The following CA13 variants were observed in gnomAD, a reference collection of about 807,000 sequenced individuals.
CA13 encodes carbonic anhydrase 13.
CA13 carries 21 observed loss-of-function variants against 31.5 expected under a neutral mutation model. The ratio of observed to expected loss-of-function variants is 0.67; its 90% CI spans 0.47 to 0.96. CA13 has a LOEUF of 0.96. Among genes scored for constraint, CA13 ranks in the 40% least tolerant of loss-of-function variants. CA13 has a pLI of 0.00. For missense variants in CA13, 315 were observed against 318.9 expected, an observed-to-expected ratio of 0.99 and a Z score of 0.09; for synonymous variants, 117 against 111.4, an observed-to-expected ratio of 1.05 and a Z score of -0.32.
chr8:85,254,218 CAGTGAGCCA>C (rs2129955888), intron 2 of CA13, among the ~76,000 whole-genome samples: 1 of 149,142 alleles, frequency 6.7e-6, no homozygotes, highest in Admixed American at 6.7e-5. Flanking sequence ...GCGCAGGTTG[CAGTGAGCCA>C]AGATCATGCC....
rs1327443326 is a variant in CA13 at position 85,251,041 on chromosome 8, C to T, written c.235+104C>T. On this transcript the variant is annotated intron_variant, in intron 2 of 6. Coordinates refer to ENST00000321764, the MANE Select transcript of CA13 (RefSeq NM_198584.3). ...TTTTTGAGACAGAGTCTCGCTCTGT[C>T]GCCAGGCTGAAGTGTAGTGGCGCGA... The T allele has an allele frequency of 2.8e-5, 28 of 1,001,808 alleles. No individual in the cohort carries two copies. In the East Asian group the frequency reaches 5.3e-4, roughly 19 times the overall value. The allele number at this position is 1,001,808 out of a possible 1,614,324, so 62.1% of individuals were successfully genotyped here. A position where few individuals can be genotyped will look rare whatever the true frequency, so the allele number is the denominator to read the frequency against.
At position 85,281,341 on chromosome 8, in the gene CA13, T is replaced by C; in HGVS notation, c.781T>C (p.Phe261Leu). The change falls in exon 7 of 7, where the codon TTC becomes CTC. Residue 261 changes from phenylalanine to leucine, a missense_variant. Physicochemically the swap from Phe to Leu is conservative, Grantham distance 22. Coordinates refer to ENST00000321764, the MANE Select transcript of CA13 (RefSeq NM_198584.3). ...PLKGRKVRAS[F>L]H ...AAAGGGCCGCAAAGTGAGAGCCTCT[T>C]TCCATTAAAAATTGTCACCAATGAA... is the stretch of plus-strand genomic sequence containing the variant. The C allele has an allele frequency of 6.2e-7, 1 of 1,613,804 alleles. No individual in the cohort carries two copies. Among genetic ancestry groups the C allele is most frequent in the Admixed American group, 1.7e-5 (1 of 60,014 alleles).
Position 85,268,546 on chromosome 8 carries a change from T to C in CA13, c.588T>C (p.Pro196=). The C allele has an allele frequency of 6.2e-7, 1 of 1,614,120 alleles. No individual in the cohort carries two copies. The highest frequency in any genetic ancestry group is 1.1e-5 in the South Asian group (1 of 91,088). Residue 196 remains proline, a synonymous_variant, in exon 6 of 7, where the codon CCT becomes CCC. Transcript: ENST00000321764. The part of the protein sequence containing the change: ...LPPSWDYWTY[P]GSLTVPPLLE... Reference sequence around the variant, plus strand: ...CATCCTGGGACTACTGGACATATCCTGGTTCTCTTACAGTTCCACCTCTTC... The same window carrying C: ...CATCCTGGGACTACTGGACATATCCCGGTTCTCTTACAGTTCCACCTCTTC...
chr8:85,257,821 A>G (rs1321339172), intron 2 of CA13, among the ~76,000 whole-genome samples: 3 of 147,122 alleles, frequency 2.0e-5, no homozygotes, highest in Non-Finnish European at 4.5e-5. Context: ...TTGTAGAGAC[A>G]GGGTTTCATT....
intron 6 of CA13, among the ~76,000 whole-genome samples, chr8:85,269,802 T>C (rs909337540): frequency 6.6e-6 from 1 of 152,170 alleles, no homozygotes; most frequent in Non-Finnish European, 1.5e-5. Flanking sequence ...ACTCCTGGGC[T>C]CAAGCCATTC....
chr8:85,282,154 T>C lies in CA13; in HGVS notation c.*805T>C, dbSNP rs1386115335. The C allele has an allele frequency of 6.6e-6, 1 of 152,238 alleles. No homozygotes were observed. The highest frequency in any genetic ancestry group is 1.5e-5 in the Non-Finnish European group (1 of 68,044). The allele number at this position is 152,238 out of a possible 1,614,324, so 9.4% of individuals were successfully genotyped here. A position where few individuals can be genotyped will look rare whatever the true frequency, so the allele number is the denominator to read the frequency against. On this transcript the variant is annotated 3_prime_UTR_variant, in exon 7 of 7. Coordinates refer to ENST00000321764, the MANE Select transcript of CA13 (RefSeq NM_198584.3). ...CCTATAAGGATAATTTTTGCAGTGA[T>C]TATATTGCTAACTCTCATTGCATGA... is the stretch of plus-strand genomic sequence containing the variant.
At chr8:85,247,591 G>T (rs1327381400) in intron 1 of CA13, among the ~76,000 whole-genome samples, 1 of 152,012 alleles carries the variant, frequency 6.6e-6, no homozygotes, top group Non-Finnish European at 1.5e-5. Context: ...TTGTTTTTGA[G>T]ATGAGTCTTG....
At chr8:85,253,928 T>A (rs1167411223) in intron 2 of CA13, among the ~76,000 whole-genome samples, 1 of 152,150 alleles carries the variant, frequency 6.6e-6, no homozygotes, top group African/African-American at 2.4e-5. Flanking sequence ...TGTTACTGTT[T>A]ACAATATGTC....
At chr8:85,278,177 A>G (rs1186686156) in intron 6 of CA13, among the ~76,000 whole-genome samples, 3 of 150,382 alleles carry the variant, frequency 2.0e-5, no homozygotes, top group African/African-American at 7.4e-5. Context: ...GAGGCATGAG[A>G]ATTGCTTGAA....
intron 2 of CA13, among the ~76,000 whole-genome samples, chr8:85,258,895 T>C (rs898534092): frequency 6.8e-6 from 1 of 147,626 alleles, no homozygotes; most frequent in Non-Finnish European, 1.5e-5. Flanking sequence ...CGTGATTGCA[T>C]CAGCTTAGGC....
chr8:85,282,804 TCACATTTAAGACTTGAA>T lies in CA13; in HGVS notation c.*1461_*1477del, dbSNP rs1391867456. On this transcript the variant is annotated 3_prime_UTR_variant, in exon 7 of 7. Coordinates refer to ENST00000321764, the MANE Select transcript of CA13 (RefSeq NM_198584.3). Reference sequence around the variant, plus strand: ...GGGACACTAAGCATTAACTTAATAATCACATTTAAGACTTGAACACATGCTACCCTTTTGTCATCTTC... The same window carrying T: ...GGGACACTAAGCATTAACTTAATAATCACATGCTACCCTTTTGTCATCTTC... 2 of 152,192 alleles carry T rather than the reference TCACATTTAAGACTTGAA, an allele frequency of 1.3e-5. No individual in the cohort carries two copies. Among genetic ancestry groups the T allele is most frequent in the African/African-American group, 4.8e-5 (2 of 41,440 alleles). The allele number at this position is 152,192 out of a possible 1,614,324, so 9.4% of individuals were successfully genotyped here.
At chr8:85,248,863 A>G (rs1194096026) in intron 1 of CA13, among the ~76,000 whole-genome samples, 1 of 152,234 alleles carries the variant, frequency 6.6e-6, no homozygotes, top group African/African-American at 2.4e-5. Flanking sequence ...TGCATTGCGC[A>G]TTTGAAATTG....
At chr8:85,281,191 A>C (rs1807698923) in intron 6 of CA13, 39 bp from the exon 7 acceptor site, 1 of 1,599,062 alleles carries the variant, frequency 6.3e-7, no homozygotes, top group African/African-American at 1.3e-5. Context: ...TATTGGTGGG[A>C]ATTTCTATGC....
chr8:85,279,464 G>A (rs569677134), intron 6 of CA13, among the ~76,000 whole-genome samples: 5 of 152,306 alleles, frequency 3.3e-5, no homozygotes, highest in African/African-American at 1.2e-4. Flanking sequence ...AAGGGGTTTG[G>A]CGAGATACCA....
rs113066718 is a variant in CA13 at position 85,258,930 on chromosome 8, G to GA, written c.236-479dup. Among the ~76,000 whole-genome samples, 1,157 of 142,290 alleles carry GA rather than the reference G, an allele frequency of 8.1e-3. 12 individuals are homozygous for GA. Among genetic ancestry groups the GA allele is most frequent in the African/African-American group, 0.024 (936 of 38,972 alleles). The allele number at this position is 142,290 out of a possible 152,430, so 93.3% of individuals were successfully genotyped here. ...CAACAGGGCGAGACCTTGTCTCAAG[G>GA]AAAAAAAAAAAAGAAGTTAGAGTTT... On this transcript the variant is annotated intron_variant, in intron 2 of 6. Coordinates refer to ENST00000321764, the MANE Select transcript of CA13 (RefSeq NM_198584.3).
chr8:85,245,615 A>G lies in CA13; in HGVS notation c.-214A>G. 1 of 590,374 alleles carries G rather than the reference A, an allele frequency of 1.7e-6. No homozygotes were observed. Among genetic ancestry groups the G allele is most frequent in the African/African-American group, 1.9e-5 (1 of 51,736 alleles). 36.6% of individuals were successfully genotyped at this position (590,374 alleles called of 1,614,324 possible). A position where few individuals can be genotyped will look rare whatever the true frequency, so the allele number is the denominator to read the frequency against. ...CCAAACTAAGAGAGACTCGCGCCCC[A>G]GGAGTCAGCCAGCGGCGCGGGCGCC... On this transcript the variant is annotated 5_prime_UTR_variant, in exon 1 of 7. Transcript: ENST00000321764.
intron 2 of CA13, among the ~76,000 whole-genome samples, chr8:85,255,479 G>T (rs1807277330): frequency 6.6e-6 from 1 of 151,722 alleles, no homozygotes; most frequent in East Asian, 1.9e-4. Flanking sequence ...GGTCAAGCTG[G>T]TCTGGAACTC....
intron 1 of CA13, among the ~76,000 whole-genome samples, chr8:85,248,919 G>C (rs1312713170): frequency 6.6e-6 from 1 of 152,088 alleles, no homozygotes; most frequent in Non-Finnish European, 1.5e-5. Context: ...GAAATAGAAG[G>C]CTTTTTCTGA....
chr8:85,279,750 C>G (rs542765612), intron 6 of CA13, among the ~76,000 whole-genome samples: 2 of 152,276 alleles, frequency 1.3e-5, no homozygotes, highest in East Asian at 3.9e-4. Context: ...AATTCCTGCA[C>G]AGCCATCTGG....
Sources: allele counts gnomAD v4.1 joint callset (sites outside exome capture counted in the v4.1 genomes callset), GRCh38; gene constraint gnomAD v4.1.1; transcripts MANE v1.5; gene names NCBI Gene and HGNC (gene_info 2026-07-23, HGNC 2026-07-21).